Variants in TASP1 observed in about 807,000 individuals in gnomAD.
TASP1 encodes the protein threonine aspartase 1.
Under a neutral mutation model 56.6 loss-of-function variants are expected in TASP1, and 16 were observed. The ratio of observed to expected loss-of-function variants is 0.28; its 90% CI spans 0.19 to 0.43. The LOEUF (loss-of-function observed/expected upper bound fraction) is 0.43, where lower values mean the gene tolerates loss of function less well. Ranked by LOEUF, TASP1 falls within the 20% of genes least tolerant of loss-of-function variation. TASP1 has a pLI of 1.00. For synonymous variants in TASP1, 179 were observed against 184.2 expected (o/e 0.97, Z 0.23); for missense variants, 393 against 511.6 (o/e 0.77, Z 2.24).
chr20:13,570,873 CCTT>C (rs1358279954), intron 6 of TASP1, among the ~76,000 whole-genome samples: 2 of 151,978 alleles, frequency 1.3e-5, no homozygotes. Context: ...TTTAGCATTT[CCTT>C]CTTCTAGGAA....
chr20:13,306,385 T>A, the TASP1 span, among the ~76,000 whole-genome samples: 3 of 152,052 alleles, frequency 2.0e-5, no homozygotes, highest in Admixed American at 2.0e-4. Flanking sequence ...TAAAAGGGAA[T>A]GTTAGCAAAT....
chr20:13,624,730 G>C (rs760699581), intron 3 of TASP1, among the ~76,000 whole-genome samples: 24 of 152,014 alleles, frequency 1.6e-4, no homozygotes, highest in Non-Finnish European at 3.2e-4. Context: ...TGAGTACAAG[G>C]GCAAAACTGA....
the TASP1 span, chr20:13,117,360 G>A: frequency 2.5e-4 from 172 of 691,188 alleles, no homozygotes; most frequent in African/African-American, 2.9e-3. Flanking sequence ...AGATTGAAAG[G>A]GTTGTCTCAG....
In TASP1 at chr20:13,471,906, TC is replaced by T. The variant is rs1476059105; in HGVS notation, c.985+11320del. Among the ~76,000 whole-genome samples, 31 of 152,232 alleles carry T rather than the reference TC, an allele frequency of 2.0e-4. 3 individuals are homozygous for T. Among genetic ancestry groups the T allele is most frequent in the African/African-American group, 7.2e-4 (30 of 41,542 alleles). ...AGGAAGCGCAAGGGGTCAGAGGATTTCCCTTTCCTAGCCAAGGGAAGCCATG... is the reference window on the plus strand; with the variant it reads ...AGGAAGCGCAAGGGGTCAGAGGATTTCCTTTCCTAGCCAAGGGAAGCCATG... On this transcript the variant is annotated intron_variant, in intron 11 of 13. Transcript: ENST00000337743.
chr20:13,138,660 T>A, the TASP1 span, among the ~76,000 whole-genome samples: 2 of 152,218 alleles, frequency 1.3e-5, no homozygotes, highest in South Asian at 4.1e-4. Flanking sequence ...GGAGGTTACT[T>A]ATAGAATTAT....
At chr20:13,204,810 G>T in the TASP1 span, among the ~76,000 whole-genome samples, 3 of 152,142 alleles carry the variant, frequency 2.0e-5, no homozygotes, top group African/African-American at 4.8e-5. Flanking sequence ...TAAGTAGTGA[G>T]AGTATCTTTA....
the TASP1 span, among the ~76,000 whole-genome samples, chr20:13,280,372 G>A: frequency 7.4e-6 from 1 of 134,582 alleles, no homozygotes; most frequent in Non-Finnish European, 1.6e-5. Flanking sequence ...GAACGTGTGT[G>A]TCTCAGGTCT....
chr20:13,571,162 C>T lies in TASP1; in HGVS notation c.489-1576G>A, dbSNP rs372554224. Reference sequence around the variant, plus strand: ...CAACTATTTAAGTTTTTAAATACTTCGGGCACTGTAAAATATTCATAGGAA... The same window carrying T: ...CAACTATTTAAGTTTTTAAATACTTTGGGCACTGTAAAATATTCATAGGAA... On this transcript the variant is annotated intron_variant, in intron 6 of 13. Transcript: ENST00000337743. Among the ~76,000 whole-genome samples, 5 of 152,206 alleles carry T rather than the reference C, an allele frequency of 3.3e-5. No individual in the cohort carries two copies. In the East Asian group the frequency reaches 7.7e-4, roughly 23 times the overall value.
At chr20:13,577,660 G>A (rs1215014197) in intron 6 of TASP1, among the ~76,000 whole-genome samples, 2 of 152,176 alleles carry the variant, frequency 1.3e-5, no homozygotes, top group African/African-American at 4.8e-5. Flanking sequence ...AGGACACAGT[G>A]AGAAGGCAAG....
intron 10 of TASP1, among the ~76,000 whole-genome samples, chr20:13,505,554 T>C (rs2044099717): frequency 6.6e-6 from 1 of 152,010 alleles, no homozygotes; most frequent in Non-Finnish European, 1.5e-5. Context: ...TTAAGAACAT[T>C]GAAATCATAC....
At chr20:13,147,143 G>A in the TASP1 span, among the ~76,000 whole-genome samples, 2 of 152,162 alleles carry the variant, frequency 1.3e-5, no homozygotes, top group African/African-American at 2.4e-5. Flanking sequence ...CTGCTCCTGC[G>A]TGCATTCCAC....
chr20:13,430,233 A>C (rs2042759122), intron 12 of TASP1, among the ~76,000 whole-genome samples: 2 of 152,204 alleles, frequency 1.3e-5, no homozygotes, highest in Admixed American at 6.5e-5. Context: ...AAAGTTTATT[A>C]GTTATCTACT....
the TASP1 span, chr20:13,117,643 T>C: frequency 6.2e-7 from 1 of 1,614,116 alleles, no homozygotes; most frequent in Non-Finnish European, 8.5e-7. Context: ...TTCTTTGGAC[T>C]AGACCCTCAT....
At chr20:13,121,112 G>A in the TASP1 span, among the ~76,000 whole-genome samples, 15 of 152,166 alleles carry the variant, frequency 9.9e-5, no homozygotes, top group South Asian at 2.1e-3. Context: ...GGTCAATGCC[G>A]AAGACCCCAA....
the TASP1 span, among the ~76,000 whole-genome samples, chr20:13,309,185 G>A: frequency 6.6e-6 from 1 of 152,086 alleles, no homozygotes; most frequent in East Asian, 1.9e-4. Flanking sequence ...AACTATGCAT[G>A]GGAAGACTAA....
chr20:13,345,805 G>T, the TASP1 span, among the ~76,000 whole-genome samples: 1 of 151,624 alleles, frequency 6.6e-6, no homozygotes, highest in Admixed American at 6.6e-5. Context: ...GTTACAGGGG[G>T]GCAGCTGAGG....
chr20:13,637,873 A>G (rs1397662261), intron 1 of TASP1, among the ~76,000 whole-genome samples: 1 of 152,256 alleles, frequency 6.6e-6, no homozygotes, highest in African/African-American at 2.4e-5. Flanking sequence ...AATTTTAAAG[A>G]ATAAATTTTA....
chr20:13,602,721 G>A (rs890722699), intron 4 of TASP1, among the ~76,000 whole-genome samples: 3 of 152,060 alleles, frequency 2.0e-5, no homozygotes, highest in Non-Finnish European at 4.4e-5. Context: ...TAGGGCTCCT[G>A]CTGCTATAAG....
the TASP1 span, among the ~76,000 whole-genome samples, chr20:13,145,712 A>T: frequency 1.3e-5 from 2 of 152,218 alleles, no homozygotes; most frequent in Non-Finnish European, 2.9e-5. Flanking sequence ...ACAAAGCTGG[A>T]GGCATCATGT....
Sources: gnomAD v4.1 joint callset for allele counts (sites outside exome capture counted in the v4.1 genomes callset) on GRCh38, gnomAD v4.1.1 for gene constraint, MANE v1.5 for transcripts, NCBI Gene and HGNC (gene_info 2026-07-23, HGNC 2026-07-21) for gene names.